TENM3: variants seen among roughly 807,000 people sequenced by gnomAD.
TENM3 encodes the protein teneurin-3.
A neutral mutation model predicts 255.1 loss-of-function variants in TENM3; 63 were observed. That is an observed-to-expected ratio of 0.25 (90% CI 0.20 to 0.30). The LOEUF (loss-of-function observed/expected upper bound fraction) is 0.30. Ranked by LOEUF, TENM3 falls within the 10% of genes least tolerant of loss-of-function variation. The probability of loss-of-function intolerance (pLI) is 1.00; values close to 1 mark genes in which losing one functional copy is unlikely to be tolerated. For missense variants in TENM3, 2,929 were observed against 3,461.1 expected (o/e 0.85, Z 3.86); for synonymous variants, 1,306 against 1,322.3 (o/e 0.99, Z 0.27).
At chr4:182,024,637 G>A in the TENM3 span, among the ~76,000 whole-genome samples, 7 of 152,208 alleles carry the variant, frequency 4.6e-5, no homozygotes, top group East Asian at 7.7e-4. Context: ...GTGGATGATC[G>A]TCACATCAAA....
At chr4:181,581,084 A>C in the TENM3 span, among the ~76,000 whole-genome samples, 1 of 152,186 alleles carries the variant, frequency 6.6e-6, no homozygotes, top group Non-Finnish European at 1.5e-5. Context: ...ATACATAGCA[A>C]AGAAAGGCAA....
chr4:181,603,611 G>A, the TENM3 span, among the ~76,000 whole-genome samples: 1 of 152,192 alleles, frequency 6.6e-6, no homozygotes, highest in East Asian at 1.9e-4. Context: ...AAAATGATAT[G>A]AAATATAGAA....
the TENM3 span, among the ~76,000 whole-genome samples, chr4:181,959,268 G>A: frequency 6.6e-6 from 1 of 152,024 alleles, no homozygotes; most frequent in Non-Finnish European, 1.5e-5. Flanking sequence ...CCTAGCTCTT[G>A]TCATACTTTG....
At chr4:182,011,723 T>A in the TENM3 span, among the ~76,000 whole-genome samples, 1 of 152,192 alleles carries the variant, frequency 6.6e-6, no homozygotes, top group Admixed American at 6.5e-5. Flanking sequence ...TCCAAACCCA[T>A]GCTCTTTCAG....
the TENM3 span, among the ~76,000 whole-genome samples, chr4:181,896,782 G>A: frequency 1.1e-4 from 16 of 152,218 alleles, 1 homozygote; most frequent in East Asian, 1.4e-3. Context: ...CCAGGCCCTC[G>A]GCCAGCCTCT....
chr4:181,848,992 T>A, the TENM3 span, among the ~76,000 whole-genome samples: 1 of 152,126 alleles, frequency 6.6e-6, no homozygotes, highest in African/African-American at 2.4e-5. Context: ...AACCCACACA[T>A]CCATTTGTTT....
chr4:181,664,928 T>A, the TENM3 span, among the ~76,000 whole-genome samples: 4 of 152,164 alleles, frequency 2.6e-5, no homozygotes, highest in South Asian at 2.1e-4. Flanking sequence ...CTTTCTTTTT[T>A]TAAAAAGCGA....
the TENM3 span, among the ~76,000 whole-genome samples, chr4:181,985,652 T>C: frequency 2.4e-3 from 370 of 152,218 alleles, 2 homozygotes; most frequent in African/African-American, 8.6e-3. Flanking sequence ...CCATAAATGT[T>C]AGCAAATCGA....
chr4:181,812,049 T>C, the TENM3 span, among the ~76,000 whole-genome samples: 4 of 152,220 alleles, frequency 2.6e-5, no homozygotes, highest in African/African-American at 9.6e-5. Flanking sequence ...TAACACATTT[T>C]TTTAATTTGT....
chr4:181,753,167 G>A, the TENM3 span, among the ~76,000 whole-genome samples: 2 of 152,154 alleles, frequency 1.3e-5, no homozygotes, highest in Admixed American at 1.3e-4. Flanking sequence ...AATAGCATTA[G>A]GACACCTGAA....
the TENM3 span, among the ~76,000 whole-genome samples, chr4:181,565,086 A>G: frequency 4.5e-4 from 69 of 152,360 alleles, no homozygotes; most frequent in East Asian, 0.013. Context: ...GTCACTTTGT[A>G]ACAAGATAAT....
chr4:181,902,965 G>A, the TENM3 span, among the ~76,000 whole-genome samples: 1 of 152,108 alleles, frequency 6.6e-6, no homozygotes, highest in African/African-American at 2.4e-5. Flanking sequence ...TTTACAATCG[G>A]TATTGATTTC....
At chr4:181,769,375 G>A in the TENM3 span, among the ~76,000 whole-genome samples, 2 of 152,268 alleles carry the variant, frequency 1.3e-5, no homozygotes, top group Admixed American at 1.3e-4. Flanking sequence ...GTTTTATTCT[G>A]GCTAAATCAC....
chr4:182,241,650 C>T (rs1259856435), upstream of TENM3, among the ~76,000 whole-genome samples: 3 of 151,372 alleles, frequency 2.0e-5, no homozygotes, highest in African/African-American at 7.3e-5. Flanking sequence ...GCTGGGACTA[C>T]AGGCATGTGC....
At chr4:182,228,382 G>GCATATATATATA (rs1756333556) in intron 1 of TENM3, among the ~76,000 whole-genome samples, 44 of 94,502 alleles carry the variant, frequency 4.7e-4, no homozygotes, top group African/African-American at 1.8e-3. Context: ...GTGTGTGTGT[G>GCATATATATATA]TGTGTGTGTG....
the TENM3 span, among the ~76,000 whole-genome samples, chr4:181,453,249 G>T: frequency 1.3e-5 from 2 of 152,180 alleles, no homozygotes; most frequent in Non-Finnish European, 2.9e-5. Flanking sequence ...GAAGTGTCTG[G>T]TGTAAAGGTC....
chr4:182,281,412 A>T (rs1459645450), intron 1 of TENM3, among the ~76,000 whole-genome samples: 1 of 152,194 alleles, frequency 6.6e-6, no homozygotes, highest in Non-Finnish European at 1.5e-5. Context: ...TCACTATTAC[A>T]TTAAATATAG....
the TENM3 span, among the ~76,000 whole-genome samples, chr4:182,108,156 C>G: frequency 1.3e-5 from 2 of 152,186 alleles, no homozygotes; most frequent in Non-Finnish European, 2.9e-5. Context: ...CCAGCCTGCA[C>G]CGTACCCTGC....
rs181932237 is a variant in TENM3 at position 182,593,131 on chromosome 4, G to A, written c.512-7793G>A. 1.1e-4 allele frequency among the ~76,000 whole-genome samples: 16 copies of A among 152,242 alleles called. No homozygotes were observed. The East Asian group carries it at 3.1e-3, about 29-fold the overall frequency. On this transcript the variant is annotated intron_variant, in intron 3 of 27. Coordinates refer to ENST00000511685, the MANE Select transcript of TENM3 (RefSeq NM_001080477.4). ...GGCAATGTGGCAACCTAGATTACCT[G>A]ACAACTCCCTTGCTATATAAAACAA...
Sources: allele counts gnomAD v4.1 joint callset (sites outside exome capture counted in the v4.1 genomes callset), GRCh38; gene constraint gnomAD v4.1.1; transcripts MANE v1.5; gene names NCBI Gene and HGNC (gene_info 2026-07-23, HGNC 2026-07-21).